Variants in MMRN2 observed in about 807,000 individuals in gnomAD.
MMRN2 encodes multimerin-2.
Under a neutral mutation model 68.8 loss-of-function variants are expected in MMRN2, and 53 were observed. The observed-to-expected ratio is 0.77, with a 90% CI of 0.62 to 0.97. The LOEUF (loss-of-function observed/expected upper bound fraction) is 0.97, where lower values mean the gene tolerates loss of function less well. Among genes scored for constraint, MMRN2 ranks in the 50% least tolerant of loss-of-function variants. The pLI is 0.00. For missense variants in MMRN2, 1,266 were observed against 1,259.5 expected (o/e 1.01, Z -0.08); for synonymous variants, 564 against 551.6 (o/e 1.02, Z -0.32).
intron 1 of MMRN2, among the ~76,000 whole-genome samples, chr10:86,948,219 T>A (rs1266599484): frequency 2.7e-5 from 3 of 111,966 alleles, no homozygotes; most frequent in Non-Finnish European, 3.6e-5. Context: ...AGCAAAACCC[T>A]ATCTCAAAAA....
At chr10:86,938,118 G>C (rs1475403146) in intron 6 of MMRN2, among the ~76,000 whole-genome samples, 1 of 152,054 alleles carries the variant, frequency 6.6e-6, no homozygotes, top group Non-Finnish European at 1.5e-5. Context: ...ATTTTTTGTA[G>C]AGACAGAGTC....
At chr10:86,956,781 C>T (rs1844241515) in intron 1 of MMRN2, among the ~76,000 whole-genome samples, 1 of 152,234 alleles carries the variant, frequency 6.6e-6, no homozygotes, top group Admixed American at 6.5e-5. Flanking sequence ...GGGGGACTTA[C>T]AGGCCCAACA....
intron 4 of MMRN2, 197 bp from the exon 5 acceptor site, chr10:86,944,632 C>A: frequency 1.7e-6 from 1 of 584,996 alleles, no homozygotes; most frequent in Non-Finnish European, 3.0e-6. Flanking sequence ...CCTACACCTA[C>A]AGCAGACATG....
rs1220727039 is a variant in MMRN2, at chr10:86,943,172, TCTGCAGGGC to T, written c.1603_1611del (p.Ala535_Gln537del). On this transcript the variant is annotated inframe_deletion, in exon 6 of 7. Transcript: ENST00000372027. This position sits in a 1 kb window ranked among gnomAD's most constrained non-coding sequence, Gnocchi z 4.2. ...GCCAGCGACACGGCGTCCACGGCGT[TCTGCAGGGC>T]CTGCAGGGAGGAGCCGTCCAGCTGC... The T allele has an allele frequency of 1.9e-6, 3 of 1,606,734 alleles. No individual in the cohort carries two copies. The highest frequency in any genetic ancestry group is 1.1e-5 in the South Asian group (1 of 90,808).
Position 86,942,619 on chromosome 10 carries a change from C to T in MMRN2, c.2165G>A (p.Gly722Glu). ...GRCCEAEAGA[G>E]AASLNASLHG... Reference sequence around the variant, plus strand: ...AAGGGAGGCGTTGAGGGAGGCGGCCCCGGCCCCGGCCTCGGCCTCGCAGCA... The same window carrying T: ...AAGGGAGGCGTTGAGGGAGGCGGCCTCGGCCCCGGCCTCGGCCTCGCAGCA... The change falls in exon 6 of 7, where the codon GGG becomes GAG. Residue 722 changes from glycine to glutamate, a missense_variant. Physicochemically the swap from Gly to Glu is moderately conservative, Grantham distance 98. Coordinates refer to ENST00000372027, the MANE Select transcript of MMRN2 (RefSeq NM_024756.3). The T allele has an allele frequency of 6.2e-7, 1 of 1,604,162 alleles. No individual in the cohort carries two copies. Among genetic ancestry groups the T allele is most frequent in the Non-Finnish European group, 8.5e-7 (1 of 1,179,074 alleles).
At position 86,942,666 on chromosome 10, in the gene MMRN2, G is replaced by A. The variant is rs1297295100; in HGVS notation, c.2118C>T (p.Asn706=). The A allele has an allele frequency of 2.5e-6, 4 of 1,594,106 alleles. No individual in the cohort carries two copies. The highest frequency in any genetic ancestry group is 3.5e-4 in the Middle Eastern group (2 of 5,764). The stretch of plus-strand genomic sequence containing the variant: ...AGCACCGCCCGACATTCTTGACGTC[G>A]TTGCTCAGGCTCTGGAGCTCCCGCG... ...GLARELQSLS[N]DVKNVGRCCE... Residue 706 remains asparagine (N), a synonymous_variant, in exon 6 of 7, where the codon AAC becomes AAT. Transcript: ENST00000372027.
rs1287282152 is a variant in MMRN2 at position 86,943,088 on chromosome 10, TCCGGAGCCGCGACGTGGCCGCCCGCGCCC to T, written c.1667_1695del (p.Arg556GlnfsTer8). The T allele has an allele frequency of 6.9e-7, 1 of 1,449,248 alleles. No homozygotes were observed. Among genetic ancestry groups the T allele is most frequent in the East Asian group, 2.8e-5 (1 of 36,310 alleles). The allele number at this position is 1,449,248 out of a possible 1,614,324, so 89.8% of individuals were successfully genotyped here. ...TCGTCATCCAGCGCCTGCACTTGGC[TCCGGAGCCGCGACGTGGCCGCCCGCGCCC>T]GCTCGCCCTCCGCTTTGTGCGCGTC... On this transcript the variant is annotated frameshift_variant, in exon 6 of 7. Transcript: ENST00000372027. LOFTEE classifies it high-confidence loss of function. This position sits in a 1 kb window ranked among gnomAD's most constrained non-coding sequence, Gnocchi z 4.2.
At position 86,957,597 on chromosome 10, in the gene MMRN2, C is replaced by T; in HGVS notation, c.-56G>A. The T allele has an allele frequency of 1.3e-6, 2 of 1,526,544 alleles. No homozygotes were observed. The highest frequency in any genetic ancestry group is 8.8e-7 in the Non-Finnish European group (1 of 1,135,982). 94.6% of individuals were successfully genotyped at this position (1,526,544 alleles called of 1,614,324 possible). ...CAGCCTTGGCAAGTAGCTCCAGAAA[C>T]TGCTAGTGACGTTGTCTTCAAGTTA... On this transcript the variant is annotated 5_prime_UTR_variant, in exon 1 of 7. Coordinates refer to ENST00000372027, the MANE Select transcript of MMRN2 (RefSeq NM_024756.3).
rs1261090350 is a variant in MMRN2, at chr10:86,936,248, G to A, written c.*495C>T. 6 of 410,742 alleles carry A rather than the reference G, an allele frequency of 1.5e-5. No individual in the cohort carries two copies. The highest frequency in any genetic ancestry group is 2.1e-5 in the Non-Finnish European group (5 of 233,210). 25.4% of individuals were successfully genotyped at this position (410,742 alleles called of 1,614,324 possible). Reference sequence around the variant, plus strand: ...TGACTAATAGAGACCAAGCAGGTTGGTTTAATCCCATTGCCCTCTAGTGCT... The same window carrying A: ...TGACTAATAGAGACCAAGCAGGTTGATTTAATCCCATTGCCCTCTAGTGCT... On this transcript the variant is annotated 3_prime_UTR_variant, in exon 7 of 7. Transcript: ENST00000372027.
rs1042276707 is a variant in MMRN2 at position 86,944,113 on chromosome 10, G to A, written c.671C>T (p.Ser224Phe). The change falls in exon 6 of 7, where the codon TCC (serine) becomes TTC (phenylalanine). Residue 224 changes from serine (S) to phenylalanine (F), a missense_variant. Ser to Phe is a radical substitution (Grantham distance 155). Coordinates refer to ENST00000372027, the MANE Select transcript of MMRN2 (RefSeq NM_024756.3). ...NQTGHEFPDR[S>F]LEQVLLPHVD... Reference sequence around the variant, plus strand: ...GTGGGGTAGCAGCACCTGCTCCAAGGATCTATCAGGGAACTCTGCAACAGA... The same window carrying A: ...GTGGGGTAGCAGCACCTGCTCCAAGAATCTATCAGGGAACTCTGCAACAGA... 2.5e-6 allele frequency: 4 copies of A among 1,613,630 alleles called. No homozygotes were observed. Among genetic ancestry groups the A allele is most frequent in the Non-Finnish European group, 3.4e-6 (4 of 1,179,822 alleles).
At chr10:86,954,597 G>T (rs990096212) in intron 1 of MMRN2, among the ~76,000 whole-genome samples, 2 of 152,218 alleles carry the variant, frequency 1.3e-5, no homozygotes, top group African/African-American at 4.8e-5. Flanking sequence ...AGGAAGGCGT[G>T]TTCTCAGCAG....
intron 6 of MMRN2, among the ~76,000 whole-genome samples, chr10:86,937,642 C>A (rs1353401796): frequency 6.6e-6 from 1 of 152,072 alleles, no homozygotes; most frequent in African/African-American, 2.4e-5. Flanking sequence ...AGACAGTATC[C>A]CTGATTGACA....
chr10:86,935,586 A>G lies in MMRN2; in HGVS notation c.*1157T>C, dbSNP rs1046993664. On this transcript the variant is annotated 3_prime_UTR_variant, in exon 7 of 7. Coordinates refer to ENST00000372027, the MANE Select transcript of MMRN2 (RefSeq NM_024756.3). Reference sequence around the variant, plus strand: ...CCAAAGTTGATCATTAGTGAGGGGGATTTTTACAGTCTTCTTTCCCTCCTC... The same window carrying G: ...CCAAAGTTGATCATTAGTGAGGGGGGTTTTTACAGTCTTCTTTCCCTCCTC... 2 of 152,030 alleles carry G rather than the reference A, an allele frequency of 1.3e-5. No individual in the cohort carries two copies. The highest frequency in any genetic ancestry group is 2.4e-5 in the African/African-American group (1 of 41,378). 9.4% of individuals were successfully genotyped at this position (152,030 alleles called of 1,614,324 possible). A position where few individuals can be genotyped will look rare whatever the true frequency, so the allele number is the denominator to read the frequency against.
At chr10:86,946,743 C>T (rs550855417) in intron 1 of MMRN2, among the ~76,000 whole-genome samples, 2 of 152,302 alleles carry the variant, frequency 1.3e-5, no homozygotes, top group African/African-American at 4.8e-5. Context: ...TGGCACAGTA[C>T]AGCTCAGCAC....
In MMRN2 at chr10:86,945,858, A is replaced by G. The variant is rs752876936; in HGVS notation, c.165-169T>C. On this transcript the variant is annotated intron_variant, in intron 1 of 6. Transcript: ENST00000372027. Reference sequence around the variant, plus strand: ...TTATTCATCCCTGGGCTCCAGAGCAAATGTTTCACAATCCCTACCTGCAAA... The same window carrying G: ...TTATTCATCCCTGGGCTCCAGAGCAGATGTTTCACAATCCCTACCTGCAAA... The G allele has an allele frequency of 8.3e-6, 12 of 1,439,132 alleles. No homozygotes were observed. The South Asian group carries it at 1.7e-4, about 21-fold the overall frequency. 89.1% of individuals were successfully genotyped at this position (1,439,132 alleles called of 1,614,324 possible).
At chr10:86,952,880 C>G (rs1009747140) in intron 1 of MMRN2, among the ~76,000 whole-genome samples, 3 of 152,190 alleles carry the variant, frequency 2.0e-5, no homozygotes, top group Admixed American at 6.5e-5. Flanking sequence ...CAGTCCTTAT[C>G]ACAACCGCAT....
At chr10:86,938,602 C>G (rs1432764824) in intron 6 of MMRN2, among the ~76,000 whole-genome samples, 1 of 152,212 alleles carries the variant, frequency 6.6e-6, no homozygotes, top group Non-Finnish European at 1.5e-5. Flanking sequence ...TTGGCACCAA[C>G]GAGGTCATGT....
intron 6 of MMRN2, among the ~76,000 whole-genome samples, chr10:86,938,768 C>T (rs1273788491): frequency 6.6e-6 from 1 of 152,266 alleles, no homozygotes; most frequent in Non-Finnish European, 1.5e-5. Flanking sequence ...GACTCCCAAT[C>T]CAGCAAGCCT....
Position 86,942,341 on chromosome 10 carries a change from A to G in MMRN2, c.2443T>C (p.Leu815=). 1.2e-6 allele frequency: 2 copies of G among 1,612,682 alleles called. No homozygotes were observed. Among genetic ancestry groups the G allele is most frequent in the South Asian group, 2.2e-5 (2 of 90,936 alleles). The part of the protein sequence containing the change: ...IRVTGPVPGA[L]GAALWEAGSP... ...CCTGCCTCCCAGAGCGCCGCGCCCAAGGCACCTGGCACAGGCCCTGTGACC... is the reference window on the plus strand; with the variant it reads ...CCTGCCTCCCAGAGCGCCGCGCCCAGGGCACCTGGCACAGGCCCTGTGACC... The change falls in exon 6 of 7, where the codon TTG becomes CTG. Residue 815 remains leucine, a synonymous_variant. Transcript: ENST00000372027.
Sources: gnomAD v4.1 joint callset for allele counts (sites outside exome capture counted in the v4.1 genomes callset) on GRCh38, gnomAD v4.1.1 for gene constraint, Gnocchi (gnomAD v3.1) non-coding constraint, MANE v1.5 for transcripts, NCBI Gene and HGNC (gene_info 2026-07-23, HGNC 2026-07-21) for gene names.